The following SCAF8 variants were observed in gnomAD, a reference collection of about 807,000 sequenced individuals.
SCAF8 encodes the protein SR-related CTD associated factor 8, also known as SR-related and CTD-associated factor 8.
A neutral mutation model predicts 140.5 loss-of-function variants in SCAF8; 23 were observed. The observed-to-expected ratio is 0.16, with a 90% CI of 0.12 to 0.23. The LOEUF is 0.23. Among genes scored for constraint, SCAF8 ranks in the 10% least tolerant of loss-of-function variants. The pLI is 1.00. For missense variants in SCAF8, 1,397 were observed against 1,555.7 expected, an observed-to-expected ratio of 0.90 and a Z score of 1.72; for synonymous variants, 575 against 528.9, an observed-to-expected ratio of 1.09 and a Z score of -1.20.
chr6:154,750,584 A>G (rs1778813729), intron 1 of SCAF8, among the ~76,000 whole-genome samples: 1 of 152,238 alleles, frequency 6.6e-6, no homozygotes, highest in African/African-American at 2.4e-5. Flanking sequence ...ATGTAATTAA[A>G]ACTTAAGTAG....
At position 154,744,758 on chromosome 6, in the gene SCAF8, A is replaced by T. The variant is rs1385010579; in HGVS notation, c.30+10828A>T. 7.2e-5 allele frequency among the ~76,000 whole-genome samples: 11 copies of T among 152,274 alleles called. No individual in the cohort carries two copies. The South Asian group carries it at 2.3e-3, about 32-fold the overall frequency. On this transcript the variant is annotated intron_variant, in intron 1 of 19. Coordinates refer to ENST00000367178, the MANE Select transcript of SCAF8 (RefSeq NM_014892.5). ...AATTTATTTTTTCCTCATTCTTTTT[A>T]TAACTTCACCTTCATAGAAAAATAG...
intron 6 of SCAF8, among the ~76,000 whole-genome samples, chr6:154,798,457 G>T (rs1039860734): frequency 2.0e-5 from 3 of 151,302 alleles, no homozygotes; most frequent in Non-Finnish European, 3.0e-5. Context: ...ATGGAAATGC[G>T]ATTTTTCCAT....
At chr6:154,781,524 T>G (rs1463004622) in intron 3 of SCAF8, among the ~76,000 whole-genome samples, 3 of 152,244 alleles carry the variant, frequency 2.0e-5, no homozygotes, top group Non-Finnish European at 4.4e-5. Flanking sequence ...AGGGCCTGTA[T>G]AGCGAAGACA....
intron 9 of SCAF8, 81 bp downstream of exon 9, chr6:154,805,567 T>C (rs1777889740): frequency 3.2e-6 from 2 of 616,280 alleles, no homozygotes; most frequent in African/African-American, 1.9e-5. Context: ...TTGGCTTTTT[T>C]TTTTTTTAAT....
At chr6:154,741,698 C>T (rs1454574100) in intron 1 of SCAF8, among the ~76,000 whole-genome samples, 4 of 152,110 alleles carry the variant, frequency 2.6e-5, no homozygotes, top group African/African-American at 9.7e-5. Flanking sequence ...TGAGCCACCG[C>T]GCCCGGCCCG....
intron 1 of SCAF8, among the ~76,000 whole-genome samples, chr6:154,761,315 A>G (rs975156330): frequency 6.6e-6 from 1 of 152,054 alleles, no homozygotes; most frequent in Non-Finnish European, 1.5e-5. Context: ...GTGAAACCCC[A>G]TCTCTACTAG....
chr6:154,766,420 G>T (rs931112459), intron 1 of SCAF8, among the ~76,000 whole-genome samples: 1 of 152,126 alleles, frequency 6.6e-6, no homozygotes, highest in Non-Finnish European at 1.5e-5. Flanking sequence ...TCATAGGAGG[G>T]TTTGTGTCCT....
At chr6:154,777,544 C>T (rs1042816781) in intron 2 of SCAF8, among the ~76,000 whole-genome samples, 3 of 152,118 alleles carry the variant, frequency 2.0e-5, no homozygotes, top group Non-Finnish European at 4.4e-5. Flanking sequence ...TAGAAAACTA[C>T]CTTACATACA....
intron 1 of SCAF8, among the ~76,000 whole-genome samples, chr6:154,770,593 AT>A (rs1271682249): frequency 6.6e-6 from 1 of 152,054 alleles, no homozygotes; most frequent in Non-Finnish European, 1.5e-5. Context: ...AAAAAAAAAA[AT>A]TCTTAGAAAG....
intron 4 of SCAF8, among the ~76,000 whole-genome samples, chr6:154,790,597 G>A (rs946161859): frequency 7.6e-6 from 1 of 130,806 alleles, no homozygotes; most frequent in Non-Finnish European, 1.6e-5. Flanking sequence ...TGCAAGCTCC[G>A]CCTCCTGGGT....
chr6:154,771,891 G>GA (rs894733372), intron 1 of SCAF8, among the ~76,000 whole-genome samples: 1 of 151,922 alleles, frequency 6.6e-6, no homozygotes, highest in Admixed American at 6.6e-5. Flanking sequence ...AGTTGGGGGG[G>GA]AAAAAAAGAA....
intron 1 of SCAF8, among the ~76,000 whole-genome samples, chr6:154,765,615 C>T (rs774643905): frequency 1.3e-5 from 2 of 152,084 alleles, no homozygotes; most frequent in Non-Finnish European, 2.9e-5. Context: ...AGGAAAGAAG[C>T]AGGAAACTTG....
chr6:154,748,000 A>G (rs572945319), intron 1 of SCAF8, among the ~76,000 whole-genome samples: 16 of 151,690 alleles, frequency 1.1e-4, no homozygotes, highest in African/African-American at 3.9e-4. Flanking sequence ...AGTTGTTTAC[A>G]TTTTAATTGC....
At chr6:154,743,944 G>GA (rs1186401983) in intron 1 of SCAF8, among the ~76,000 whole-genome samples, 21 of 152,062 alleles carry the variant, frequency 1.4e-4, no homozygotes, top group Non-Finnish European at 2.8e-4. Flanking sequence ...TCACTATGAT[G>GA]AAAAAAATCT....
intron 8 of SCAF8, among the ~76,000 whole-genome samples, chr6:154,804,505 A>C (rs1399074334): frequency 6.6e-6 from 1 of 152,112 alleles, no homozygotes; most frequent in Non-Finnish European, 1.5e-5. Context: ...GAAGTTAACT[A>C]ATTGTTATTA....
intron 11 of SCAF8, 118 bp from the exon 12 acceptor site, chr6:154,809,897 C>T (rs1778039113): frequency 7.2e-6 from 6 of 832,268 alleles, no homozygotes; most frequent in Non-Finnish European, 1.2e-5. Context: ...AATATTTTAA[C>T]ATATTGTCAC....
intron 4 of SCAF8, among the ~76,000 whole-genome samples, chr6:154,791,834 TTGG>T (rs1777428577): frequency 1.3e-5 from 2 of 152,070 alleles, no homozygotes; most frequent in South Asian, 4.2e-4. Flanking sequence ...TGTGATTTAT[TTGG>T]TGGTAAGATG....
intron 18 of SCAF8, among the ~76,000 whole-genome samples, chr6:154,829,632 C>T (rs986598245): frequency 6.6e-6 from 1 of 152,134 alleles, no homozygotes; most frequent in African/African-American, 2.4e-5. Context: ...TTTGGCCGGG[C>T]ATGGTGGCTG....
At chr6:154,829,172 G>A (rs963477834) in intron 18 of SCAF8, among the ~76,000 whole-genome samples, 5 of 151,258 alleles carry the variant, frequency 3.3e-5, no homozygotes, top group Admixed American at 6.6e-5. Context: ...AAATTATTGT[G>A]TATCAGGGTT....
Sources: gnomAD v4.1 joint callset for allele counts (sites outside exome capture counted in the v4.1 genomes callset) on GRCh38, gnomAD v4.1.1 for gene constraint, MANE v1.5 for transcripts, NCBI Gene and HGNC (gene_info 2026-07-23, HGNC 2026-07-21) for gene names.